The following MALRD1 variants were observed in gnomAD, a reference collection of about 807,000 sequenced individuals.
MALRD1 encodes the protein MAM and LDL receptor class A domain containing 1.
Under a neutral mutation model 242.1 loss-of-function variants are expected in MALRD1, and 247 were observed. The ratio of observed to expected loss-of-function variants is 1.02; its 90% CI spans 0.92 to 1.13. The LOEUF (loss-of-function observed/expected upper bound fraction) is 1.13. Ranked by LOEUF, MALRD1 falls within the 50% of genes most tolerant of loss-of-function variation. The pLI is 0.00. For missense variants in MALRD1, 2,989 were observed against 2,533.1 expected (o/e 1.18, Z -3.86); for synonymous variants, 995 against 866.6 (o/e 1.15, Z -2.60).
At chr10:19,693,263 T>G (rs1833194081) in intron 38 of MALRD1, among the ~76,000 whole-genome samples, 1 of 151,798 alleles carries the variant, frequency 6.6e-6, no homozygotes, top group African/African-American at 2.4e-5. Flanking sequence ...GGTATTCAAT[T>G]AGGAAAAGAG....
At position 19,562,365 on chromosome 10, in the gene MALRD1, A is replaced by T. The variant is rs145196220; in HGVS notation, c.5479-5137A>T. Among the ~76,000 whole-genome samples, 147 of 152,046 alleles carry T rather than the reference A, an allele frequency of 9.7e-4. 1 individual carries two copies. The highest frequency in any genetic ancestry group is 3.4e-3 in the African/African-American group (142 of 41,396). On this transcript the variant is annotated intron_variant, in intron 32 of 39. Coordinates refer to ENST00000454679, the MANE Select transcript of MALRD1 (RefSeq NM_001142308.3). ...GATAGTTAGATAGATAGATATCTAGATAGATAGAGAACTTGATGAGACTTC... is the reference window on the plus strand; with the variant it reads ...GATAGTTAGATAGATAGATATCTAGTTAGATAGAGAACTTGATGAGACTTC...
At chr10:19,569,566 T>TTC (rs1351305223) in intron 33 of MALRD1, among the ~76,000 whole-genome samples, 1 of 150,574 alleles carries the variant, frequency 6.6e-6, no homozygotes, top group African/African-American at 2.4e-5. Flanking sequence ...CATAAAAGTC[T>TTC]TCTGCAGCTC....
rs1351963183 is a variant in MALRD1, at chr10:19,070,883, G to C, written c.340+4024G>C. Among the ~76,000 whole-genome samples, 3 of 114,174 alleles carry C rather than the reference G, an allele frequency of 2.6e-5. No homozygotes were observed. The South Asian group carries it at 8.9e-4, about 34-fold the overall frequency. The allele number at this position is 114,174 out of a possible 152,430, so 74.9% of individuals were successfully genotyped here. A position where few individuals can be genotyped will look rare whatever the true frequency, so the allele number is the denominator to read the frequency against. On this transcript the variant is annotated intron_variant, in intron 2 of 39. Coordinates refer to ENST00000454679, the MANE Select transcript of MALRD1 (RefSeq NM_001142308.3). ...TTTTTTTTTCCGGAGACACAGTCTGGCTCTGTTGCCCAAGCTGGAGTGTAG... is the reference window on the plus strand; with the variant it reads ...TTTTTTTTTCCGGAGACACAGTCTGCCTCTGTTGCCCAAGCTGGAGTGTAG...
chr10:19,668,987 C>G (rs536888677), intron 36 of MALRD1, among the ~76,000 whole-genome samples: 1 of 152,224 alleles, frequency 6.6e-6, no homozygotes, highest in East Asian at 1.9e-4. Context: ...AGATTTATTC[C>G]AAGGCCCTCC....
At chr10:19,209,806 T>A in intron 18 of MALRD1, 126 bp downstream of exon 18, 1 of 920,274 alleles carries the variant, frequency 1.1e-6, no homozygotes, top group Non-Finnish European at 1.6e-6. Context: ...GAGACACATT[T>A]ATCATTTATT....
intron 38 of MALRD1, among the ~76,000 whole-genome samples, chr10:19,709,243 T>TAAAAAAAAAAAAAAAAAAAAAAAAA (rs557818453): frequency 2.8e-5 from 3 of 105,972 alleles, no homozygotes; most frequent in African/African-American, 1.1e-4. Context: ...CCGTCTGTAC[T>TAAAAAAAAAAAAAAAAAAAAAAAAA]AAAAAAAAAA....
At chr10:19,171,676 A>T (rs1230732101) in intron 13 of MALRD1, among the ~76,000 whole-genome samples, 1 of 143,382 alleles carries the variant, frequency 7.0e-6, no homozygotes, top group Admixed American at 7.1e-5. Flanking sequence ...GTATATAAAT[A>T]CACACATATA....
At chr10:19,336,794 A>G (rs1843633654) in intron 24 of MALRD1, among the ~76,000 whole-genome samples, 1 of 152,184 alleles carries the variant, frequency 6.6e-6, no homozygotes, top group Non-Finnish European at 1.5e-5. Flanking sequence ...GTAATAGCAC[A>G]AATTAATGAA....
At chr10:19,183,937 C>T (rs1835631060) in intron 14 of MALRD1, among the ~76,000 whole-genome samples, 1 of 152,118 alleles carries the variant, frequency 6.6e-6, no homozygotes, top group African/African-American at 2.4e-5. Flanking sequence ...GTTAAAACAC[C>T]ACACACTGAT....
intron 1 of MALRD1, among the ~76,000 whole-genome samples, chr10:19,058,845 T>TA (rs950900879): frequency 3.3e-5 from 5 of 151,560 alleles, no homozygotes; most frequent in African/African-American, 9.7e-5. Context: ...ATATGAAAAA[T>TA]AAAAAAAGTA....
chr10:19,489,117 C>T (rs1418284110), intron 29 of MALRD1: 2 of 464,710 alleles, frequency 4.3e-6, no homozygotes, highest in African/African-American at 4.0e-5. Context: ...GGAAGGTCAG[C>T]TCTGCTGAAG....
chr10:19,626,360 G>A lies in MALRD1; in HGVS notation c.6137+10437G>A, dbSNP rs1051445740. On this transcript the variant is annotated intron_variant, in intron 36 of 39. Coordinates refer to ENST00000454679, the MANE Select transcript of MALRD1 (RefSeq NM_001142308.3). ...GCCTTGGATTATTCTATTTGCTCAC[G>A]GGGTTTTAGCCAAAGGTACAAGCCA... Among the ~76,000 whole-genome samples the A allele has an allele frequency of 6.8e-5, 10 of 147,414 alleles. No homozygotes were observed. In the East Asian group the frequency reaches 8.0e-4, roughly 12 times the overall value.
At chr10:19,153,814 T>C (rs1834030005) in intron 11 of MALRD1, among the ~76,000 whole-genome samples, 1 of 152,192 alleles carries the variant, frequency 6.6e-6, no homozygotes, top group South Asian at 2.1e-4. Flanking sequence ...TTCAGGCCTT[T>C]TGCTTCATTT....
intron 29 of MALRD1, among the ~76,000 whole-genome samples, chr10:19,461,703 G>A (rs1024423245): frequency 6.6e-6 from 1 of 151,992 alleles, no homozygotes; most frequent in Non-Finnish European, 1.5e-5. Context: ...AAATTGGCTG[G>A]TGTGGTGGTG....
rs922731020 is a variant in MALRD1, at chr10:19,049,131, C to T, written c.193C>T (p.Arg65Trp). The change falls in exon 1 of 40, where the codon CGG becomes TGG. Residue 65 changes from arginine to tryptophan, a missense_variant. Physicochemically the swap from Arg to Trp is moderately radical, Grantham distance 101. Coordinates refer to ENST00000454679, the MANE Select transcript of MALRD1 (RefSeq NM_001142308.3). ...TCAGTGTGGGGATAGCAGTGATGAACGGCACTGTAAGTGACATTCTCCTTT... is the reference window on the plus strand; with the variant it reads ...TCAGTGTGGGGATAGCAGTGATGAATGGCACTGTAAGTGACATTCTCCTTT... Reference protein sequence around the residue: ...TDQCGDSSDERHCLNYERCDF... With the variant: ...TDQCGDSSDEWHCLNYERCDF... 7 of 1,233,708 alleles carry T rather than the reference C, an allele frequency of 5.7e-6. No homozygotes were observed. Among genetic ancestry groups the T allele is most frequent in the East Asian group, 3.2e-5 (1 of 31,712 alleles). The allele number at this position is 1,233,708 out of a possible 1,614,324, so 76.4% of individuals were successfully genotyped here. A position where few individuals can be genotyped will look rare whatever the true frequency, so the allele number is the denominator to read the frequency against.
chr10:19,597,583 A>C (rs1207011724), intron 34 of MALRD1, among the ~76,000 whole-genome samples: 1 of 152,220 alleles, frequency 6.6e-6, no homozygotes, highest in Non-Finnish European at 1.5e-5. Flanking sequence ...ACATTCATTC[A>C]TTCATTTATT....
At chr10:19,591,240 A>G (rs1185308671) in intron 33 of MALRD1, among the ~76,000 whole-genome samples, 1 of 152,230 alleles carries the variant, frequency 6.6e-6, no homozygotes, top group Non-Finnish European at 1.5e-5. Context: ...TAAAAAGAGA[A>G]CAATGAATGT....
intron 38 of MALRD1, among the ~76,000 whole-genome samples, chr10:19,692,886 T>TACATATATATATAA (rs373717863): frequency 1.5e-5 from 2 of 136,866 alleles, no homozygotes; most frequent in East Asian, 2.1e-4. Context: ...TATATATATA[T>TACATATATATATAA]AATTTCATCC....
chr10:19,426,153 G>T (rs1833897515), intron 28 of MALRD1, among the ~76,000 whole-genome samples: 1 of 152,124 alleles, frequency 6.6e-6, no homozygotes, highest in South Asian at 2.1e-4. Context: ...CATGTTAGAA[G>T]CTTTAAATCC....
Sources: allele counts gnomAD v4.1 joint callset (sites outside exome capture counted in the v4.1 genomes callset), GRCh38; gene constraint gnomAD v4.1.1; transcripts MANE v1.5; gene names NCBI Gene and HGNC (gene_info 2026-07-23, HGNC 2026-07-21).